Variants in KCNMA1 observed in about 807,000 individuals in gnomAD.
KCNMA1 encodes potassium calcium-activated channel subfamily M alpha 1.
In KCNMA1, 29 loss-of-function variants were observed where a neutral mutation model predicts 140.0. The observed-to-expected ratio is 0.21, with a 90% confidence interval of 0.15 to 0.28. The LOEUF (loss-of-function observed/expected upper bound fraction) is 0.28, where lower values mean the gene tolerates loss of function less well. KCNMA1 is among the 10% of genes least tolerant of loss of function. KCNMA1 has a pLI of 1.00. For missense variants in KCNMA1, 880 were observed against 1,602.2 expected (o/e 0.55, Z 7.70); for synonymous variants, 612 against 611.9 (o/e 1.00, Z 0.00).
Position 77,353,329 on chromosome 10 carries a change from T to C in KCNMA1, c.540+50533A>G, listed in dbSNP as rs545339178. The stretch of plus-strand genomic sequence containing the variant: ...TAGGAGCCCCATCACTGAGTGGTTG[T>C]AGGGCTCAAGAAGGATCATATTGGC... On this transcript the variant is annotated intron_variant, in intron 2 of 27. Transcript: ENST00000286628. Among the ~76,000 whole-genome samples, 11 of 152,242 alleles carry C rather than the reference T, an allele frequency of 7.2e-5. No individual in the cohort carries two copies. In the East Asian group the frequency reaches 2.1e-3, roughly 29 times the overall value.
chr10:77,243,862 G>A (rs1207403623), intron 3 of KCNMA1, among the ~76,000 whole-genome samples: 3 of 152,128 alleles, frequency 2.0e-5, no homozygotes, highest in Non-Finnish European at 4.4e-5. Flanking sequence ...GGGAGGGAGA[G>A]AGAGAGATTA....
rs1024074444 is a variant in KCNMA1, at chr10:77,011,411, C to T, written c.2092+556G>A. Among the ~76,000 whole-genome samples the T allele has an allele frequency of 5.9e-5, 9 of 152,148 alleles. No homozygotes were observed. In the East Asian group the frequency reaches 1.2e-3, roughly 20 times the overall value. On this transcript the variant is annotated intron_variant, in intron 18 of 27. Coordinates refer to ENST00000286628, the MANE Select transcript of KCNMA1 (RefSeq NM_001161352.2). Reference sequence around the variant, plus strand: ...ATGATGCTTGAGGTCGACCTTTGGACGATGGCAACTGAAGCCCTTTGGCAG... The same window carrying T: ...ATGATGCTTGAGGTCGACCTTTGGATGATGGCAACTGAAGCCCTTTGGCAG...
Position 76,884,892 on chromosome 10 carries a change from C to A in KCNMA1, c.*2374G>T. The A allele has an allele frequency of 7.2e-7, 1 of 1,385,224 alleles. No individual in the cohort carries two copies. Among genetic ancestry groups the A allele is most frequent in the South Asian group, 1.7e-5 (1 of 59,066 alleles). The allele number at this position is 1,385,224 out of a possible 1,614,324, so 85.8% of individuals were successfully genotyped here. A position where few individuals can be genotyped will look rare whatever the true frequency, so the allele number is the denominator to read the frequency against. ...AATAACAGAATAAAATTTGTAACTC[C>A]TTTTTTTTTAATTTCACAAAAGTTT... On this transcript the variant is annotated 3_prime_UTR_variant, in exon 28 of 28. Transcript: ENST00000286628.
chr10:77,427,741 A>G (rs540331922), intron 1 of KCNMA1, among the ~76,000 whole-genome samples: 2 of 151,018 alleles, frequency 1.3e-5, no homozygotes, highest in East Asian at 3.9e-4. Flanking sequence ...TTATTTATTT[A>G]TTTATTTATT....
chr10:77,300,365 G>C (rs1250300042), intron 2 of KCNMA1, among the ~76,000 whole-genome samples: 1 of 152,146 alleles, frequency 6.6e-6, no homozygotes, highest in Admixed American at 6.5e-5. Context: ...TTCAATCTGT[G>C]CCTCAACTCC....
chr10:77,049,057 C>T (rs2095252062), intron 14 of KCNMA1, among the ~76,000 whole-genome samples: 1 of 152,178 alleles, frequency 6.6e-6, no homozygotes, highest in South Asian at 2.1e-4. Context: ...AGCCACCGCG[C>T]CCGGCCAGAA....
At chr10:77,601,450 A>G (rs1305238503) in intron 1 of KCNMA1, among the ~76,000 whole-genome samples, 1 of 152,252 alleles carries the variant, frequency 6.6e-6, no homozygotes, top group East Asian at 1.9e-4. Context: ...AGCAGTCAGC[A>G]TAAGATTCCG....
chr10:76,912,612 G>A (rs2050812513), intron 24 of KCNMA1: 1 of 152,206 alleles, frequency 6.6e-6, no homozygotes, highest in African/African-American at 2.4e-5. Flanking sequence ...GGCTTCAGGA[G>A]AGTCAATGAT....
chr10:77,216,974 A>G (rs1051884325), intron 3 of KCNMA1, among the ~76,000 whole-genome samples: 2 of 152,148 alleles, frequency 1.3e-5, no homozygotes, highest in African/African-American at 4.8e-5. Context: ...TTATGAATGA[A>G]CAGTTCAGAT....
intron 1 of KCNMA1, among the ~76,000 whole-genome samples, chr10:77,534,923 C>T (rs1166228115): frequency 1.3e-5 from 2 of 152,130 alleles, no homozygotes; most frequent in African/African-American, 4.8e-5. Flanking sequence ...CCCTGTACCT[C>T]CAACTTATAC....
chr10:77,000,321 C>T (rs2085810966), intron 19 of KCNMA1, among the ~76,000 whole-genome samples: 1 of 152,206 alleles, frequency 6.6e-6, no homozygotes, highest in Non-Finnish European at 1.5e-5. Context: ...TAAAGTCCTC[C>T]AGTGGAACCA....
At chr10:77,435,584 AC>A (rs1164890269) in intron 1 of KCNMA1, among the ~76,000 whole-genome samples, 1 of 152,198 alleles carries the variant, frequency 6.6e-6, no homozygotes, top group East Asian at 1.9e-4. Flanking sequence ...TCCATATATC[AC>A]TAGAAGGTAT....
At chr10:77,349,229 C>G (rs560864661) in intron 2 of KCNMA1, among the ~76,000 whole-genome samples, 1 of 152,204 alleles carries the variant, frequency 6.6e-6, no homozygotes, top group African/African-American at 2.4e-5. Context: ...TATAAAAGAG[C>G]CTCCAGAGAG....
At chr10:77,599,612 A>C (rs1204199040) in intron 1 of KCNMA1, among the ~76,000 whole-genome samples, 1 of 152,216 alleles carries the variant, frequency 6.6e-6, no homozygotes, top group African/African-American at 2.4e-5. Flanking sequence ...ATCTGTCTTC[A>C]GATTAAGTAA....
intron 5 of KCNMA1, among the ~76,000 whole-genome samples, chr10:77,160,588 C>G (rs2098543987): frequency 1.3e-5 from 2 of 152,210 alleles, no homozygotes; most frequent in African/African-American, 4.8e-5. Context: ...ACCTCTAAGT[C>G]TAGCCCAGGC....
chr10:77,241,522 G>T (rs2057280052), intron 3 of KCNMA1, among the ~76,000 whole-genome samples: 2 of 151,946 alleles, frequency 1.3e-5, no homozygotes, highest in African/African-American at 4.8e-5. Flanking sequence ...ATGGTGCCCA[G>T]CTGTAGTCCC....
chr10:77,035,655 G>A lies in KCNMA1; in HGVS notation c.1859+3873C>T, dbSNP rs751858275. On this transcript the variant is annotated intron_variant, in intron 15 of 27. Coordinates refer to ENST00000286628, the MANE Select transcript of KCNMA1 (RefSeq NM_001161352.2). The stretch of plus-strand genomic sequence containing the variant: ...CAATTCATTAAATATCTGATTAATC[G>A]GTGATTAACCGATAAGAGAATTTCC... Among the ~76,000 whole-genome samples, 79 of 152,218 alleles carry A rather than the reference G, an allele frequency of 5.2e-4. No homozygotes were observed. In the Middle Eastern group the frequency reaches 0.024, roughly 46 times the overall value.
At chr10:77,522,045 G>T (rs1350649821) in intron 1 of KCNMA1, among the ~76,000 whole-genome samples, 1 of 152,062 alleles carries the variant, frequency 6.6e-6, no homozygotes, top group Non-Finnish European at 1.5e-5. Context: ...CGTGGTGGCA[G>T]GTCCCTGTAA....
intron 2 of KCNMA1, among the ~76,000 whole-genome samples, chr10:77,329,332 T>C (rs919635133): frequency 2.0e-5 from 3 of 152,202 alleles, no homozygotes; most frequent in Non-Finnish European, 4.4e-5. Flanking sequence ...CAATGTGATA[T>C]TAGGAGGCAA....
Sources: allele counts gnomAD v4.1 joint callset (sites outside exome capture counted in the v4.1 genomes callset), GRCh38; gene constraint gnomAD v4.1.1; transcripts MANE v1.5; gene names NCBI Gene and HGNC (gene_info 2026-07-23, HGNC 2026-07-21).